Variants in ELMO1 observed in about 807,000 individuals in gnomAD.
ELMO1 encodes the protein engulfment and cell motility protein 1.
ELMO1 carries 26 observed loss-of-function variants against 98.9 expected under a neutral mutation model. The observed-to-expected ratio is 0.26, with a 90% CI of 0.19 to 0.36. The LOEUF is 0.36. Ranked by LOEUF, ELMO1 falls within the 10% of genes least tolerant of loss-of-function variation. ELMO1 has a pLI of 1.00. For synonymous variants in ELMO1, 346 were observed against 346.0 expected (o/e 1.00, Z 0.00); for missense variants, 627 against 935.2 (o/e 0.67, Z 4.30).
intron 16 of ELMO1, among the ~76,000 whole-genome samples, chr7:36,998,536 T>TCTGTGCCATATAGATAC (rs1792390172): frequency 6.6e-6 from 1 of 152,192 alleles, no homozygotes; most frequent in Non-Finnish European, 1.5e-5. Context: ...TATAAATATA[T>TCTGTGCCATATAGATAC]ATATGTCTGT....
intron 1 of ELMO1, among the ~76,000 whole-genome samples, chr7:37,402,988 C>G (rs904653561): frequency 1.3e-5 from 2 of 152,162 alleles, no homozygotes; most frequent in African/African-American, 4.8e-5. Context: ...ATACAAAAAC[C>G]TGCACTCAAA....
chr7:37,351,217 T>C (rs1484257935), intron 1 of ELMO1: 2 of 152,272 alleles, frequency 1.3e-5, no homozygotes, highest in African/African-American at 4.8e-5. Context: ...GTGTAATTTT[T>C]ATATATTAAA....
Position 36,878,085 on chromosome 7 carries a change from G to A in ELMO1, c.1747C>T (p.His583Tyr), listed in dbSNP as rs751970344. Residue 583 changes from histidine to tyrosine, a missense_variant, in exon 19 of 22, where the codon CAC becomes TAC. His to Tyr is a moderately conservative substitution (Grantham distance 83). Transcript: ENST00000310758. ...KFWYCRLSPN[H>Y]KVLHYGDLEE... ...AAGTCTCCGTAATGCAGGACTTTGT[G>A]ATTTGGCGAAAGCCGACAATACCAA... 1.2e-6 allele frequency: 2 copies of A among 1,614,084 alleles called. No homozygotes were observed. Among genetic ancestry groups the A allele is most frequent in the Non-Finnish European group, 1.7e-6 (2 of 1,179,954 alleles).
chr7:37,414,034 T>C (rs567933793), intron 1 of ELMO1, among the ~76,000 whole-genome samples: 31 of 149,256 alleles, frequency 2.1e-4, no homozygotes, highest in African/African-American at 7.0e-4. Flanking sequence ...AAAAGGTATA[T>C]GACAGAAGTC....
chr7:36,874,899 A>G (rs1466883669), intron 19 of ELMO1, among the ~76,000 whole-genome samples: 2 of 152,246 alleles, frequency 1.3e-5, no homozygotes. Context: ...ATACAAAAAG[A>G]AAGATTTCCT....
At chr7:37,229,731 C>T (rs1794066231) in intron 8 of ELMO1, among the ~76,000 whole-genome samples, 2 of 152,160 alleles carry the variant, frequency 1.3e-5, no homozygotes, top group African/African-American at 4.8e-5. Flanking sequence ...AAGTAATTTT[C>T]TGATGACTAT....
At chr7:36,974,811 C>G (rs570170298) in intron 16 of ELMO1, among the ~76,000 whole-genome samples, 2 of 152,308 alleles carry the variant, frequency 1.3e-5, no homozygotes, top group Admixed American at 6.5e-5. Context: ...ACACTCACCG[C>G]GAAGGTCTGC....
At chr7:37,372,798 C>T (rs1319418973) in intron 1 of ELMO1, among the ~76,000 whole-genome samples, 1 of 152,224 alleles carries the variant, frequency 6.6e-6, no homozygotes, top group East Asian at 1.9e-4. Context: ...TAATACCTCA[C>T]TCATTAGGGG....
intron 16 of ELMO1, among the ~76,000 whole-genome samples, chr7:36,952,964 CTTTTTTTTTTTTT>C (rs70980904): frequency 1.2e-5 from 1 of 82,876 alleles, no homozygotes; most frequent in Admixed American, 1.4e-4. Flanking sequence ...AGTCACTACT[CTTTTTTTTTTTTT>C]TTTTTTTTTT....
intron 4 of ELMO1, among the ~76,000 whole-genome samples, chr7:37,286,480 G>C (rs1797398072): frequency 6.6e-6 from 1 of 152,210 alleles, no homozygotes; most frequent in African/African-American, 2.4e-5. Flanking sequence ...CCTTTCTGCA[G>C]TGCCACATGA....
At chr7:36,886,583 G>T in intron 18 of ELMO1, among the ~76,000 whole-genome samples, 1 of 152,252 alleles carries the variant, frequency 6.6e-6, no homozygotes, top group East Asian at 1.9e-4. Context: ...GCTTGCTCCT[G>T]CCTCTTCTTC....
At chr7:37,445,569 C>T (rs1805580765) in intron 1 of ELMO1, among the ~76,000 whole-genome samples, 1 of 149,782 alleles carries the variant, frequency 6.7e-6, no homozygotes, top group South Asian at 2.1e-4. Flanking sequence ...CCTTTCCCCA[C>T]CCGCCCCACC....
intron 11 of ELMO1, among the ~76,000 whole-genome samples, chr7:37,216,135 C>CTT (rs55829266): frequency 6.9e-6 from 1 of 144,094 alleles, no homozygotes; most frequent in African/African-American, 2.5e-5. Flanking sequence ...ACACTTAGGG[C>CTT]TTTTTTTTTT....
intron 17 of ELMO1, among the ~76,000 whole-genome samples, chr7:36,890,431 TCTGA>T (rs1805451377): frequency 6.6e-6 from 1 of 152,178 alleles, no homozygotes; most frequent in Admixed American, 6.5e-5. Context: ...AGCTCATCTG[TCTGA>T]CTGTCTAATT....
intron 19 of ELMO1, among the ~76,000 whole-genome samples, chr7:36,874,518 T>C (rs1803784756): frequency 6.6e-6 from 1 of 152,256 alleles, no homozygotes; most frequent in Non-Finnish European, 1.5e-5. Context: ...ATTCCCATTA[T>C]CAATAATCAG....
intron 1 of ELMO1, among the ~76,000 whole-genome samples, chr7:37,393,535 C>A (rs1435163168): frequency 6.6e-6 from 1 of 152,178 alleles, no homozygotes; most frequent in East Asian, 1.9e-4. Flanking sequence ...TCTCTTCATT[C>A]TAAAGTGCTT....
intron 7 of ELMO1, among the ~76,000 whole-genome samples, chr7:37,241,637 C>T (rs948394369): frequency 3.9e-5 from 6 of 152,018 alleles, no homozygotes; most frequent in African/African-American, 1.4e-4. Flanking sequence ...TTAATCCCTC[C>T]TTTGTGTTTT....
At chr7:37,180,496 C>CAGATCAAAGG (rs1343670776) in intron 13 of ELMO1, among the ~76,000 whole-genome samples, 1 of 152,066 alleles carries the variant, frequency 6.6e-6, no homozygotes, top group Admixed American at 6.5e-5. Context: ...AGCACTATTC[C>CAGATCAAAGG]AGATCAAAGG....
chr7:37,253,213 A>C (rs1377141898), intron 6 of ELMO1, among the ~76,000 whole-genome samples: 1 of 152,212 alleles, frequency 6.6e-6, no homozygotes, highest in African/African-American at 2.4e-5. Context: ...TTGACCCAGC[A>C]ATCCCATTAC....
Sources: allele counts gnomAD v4.1 joint callset (sites outside exome capture counted in the v4.1 genomes callset), GRCh38; gene constraint gnomAD v4.1.1; transcripts MANE v1.5; gene names NCBI Gene and HGNC (gene_info 2026-07-23, HGNC 2026-07-21).